Variants in PAPPA2 observed in about 807,000 individuals in gnomAD.
PAPPA2 encodes pappalysin-2.
Under a neutral mutation model 176.4 loss-of-function variants are expected in PAPPA2, and 86 were observed. The ratio of observed to expected loss-of-function variants is 0.49; its 90% confidence interval spans 0.41 to 0.58. PAPPA2 has a LOEUF of 0.58. PAPPA2 is among the 20% of genes least tolerant of loss of function. PAPPA2 has a pLI of 0.00. For synonymous variants in PAPPA2, 809 were observed against 852.2 expected (o/e 0.95, Z 0.88); for missense variants, 2,073 against 2,256.9 (o/e 0.92, Z 1.65).
chr1:176,798,472 T>G (rs1033689544), intron 20 of PAPPA2, among the ~76,000 whole-genome samples: 3 of 152,200 alleles, frequency 2.0e-5, no homozygotes, highest in Admixed American at 2.0e-4. Flanking sequence ...TGAGAAGGAA[T>G]AAAGTTCTCA....
In PAPPA2 at chr1:176,710,064, G is replaced by C; in HGVS notation, c.3539G>C (p.Gly1180Ala). 6.2e-7 allele frequency: 1 copy of C among 1,613,294 alleles called. No individual in the cohort carries two copies. Among genetic ancestry groups the C allele is most frequent in the Non-Finnish European group, 8.5e-7 (1 of 1,179,548 alleles). Residue 1180 changes from glycine (G) to alanine (A), a missense_variant, in exon 11 of 23, where the codon GGC (glycine) becomes GCC (alanine). Physicochemically the swap from Gly to Ala is moderately conservative, Grantham distance 60 (BLOSUM62 0). This residue lies in a region of PAPPA2 where 846 missense variants were observed against 857.9 expected (regional missense o/e 0.99). Coordinates refer to ENST00000367662, the MANE Select transcript of PAPPA2 (RefSeq NM_020318.3). ...AGAAAAACCAGCATTGTAGACTGTG[G>C]CATCTACACTCCCAAAGGATACTTG... ...FERKTSIVDCGIYTPKGYLDQ... is the reference protein window; with the variant it reads ...FERKTSIVDCAIYTPKGYLDQ...
intron 14 of PAPPA2, among the ~76,000 whole-genome samples, chr1:176,754,080 A>G (rs781253647): frequency 6.6e-6 from 1 of 150,734 alleles, no homozygotes; most frequent in Admixed American, 6.6e-5. Context: ...GGCCATGGAC[A>G]TGGTCTTTTG....
intron 1 of PAPPA2, among the ~76,000 whole-genome samples, chr1:176,472,995 C>A (rs2102467596): frequency 6.6e-6 from 1 of 152,268 alleles, no homozygotes; most frequent in African/African-American, 2.4e-5. Flanking sequence ...CAGAGCAAAA[C>A]ATTTGTTACA....
At chr1:176,693,119 C>T (rs1336123158) in intron 6 of PAPPA2, among the ~76,000 whole-genome samples, 1 of 152,182 alleles carries the variant, frequency 6.6e-6, no homozygotes, top group Non-Finnish European at 1.5e-5. Flanking sequence ...AATGTGGTTT[C>T]ACTGAGAAGG....
intron 2 of PAPPA2, among the ~76,000 whole-genome samples, chr1:176,582,428 T>TTCAGTACGATA (rs1653043189): frequency 1.3e-5 from 2 of 152,216 alleles, no homozygotes; most frequent in South Asian, 4.1e-4. Flanking sequence ...CTTTTCCCTG[T>TTCAGTACGATA]TCAGTACGAT....
chr1:176,612,750 T>G (rs1360987824), intron 3 of PAPPA2, among the ~76,000 whole-genome samples: 1 of 152,202 alleles, frequency 6.6e-6, no homozygotes, highest in East Asian at 1.9e-4. Flanking sequence ...AAAGAATCAG[T>G]TTTGATTCTG....
At chr1:176,673,635 T>C (rs10798471) in intron 4 of PAPPA2, among the ~76,000 whole-genome samples, 38,407 of 152,118 alleles carry the variant, frequency 0.25, 5,002 homozygotes, top group South Asian at 0.34. Flanking sequence ...TGGGGCATAC[T>C]ATTGAATGTT....
intron 17 of PAPPA2, among the ~76,000 whole-genome samples, chr1:176,780,428 A>G (rs924510240): frequency 1.3e-5 from 2 of 152,106 alleles, no homozygotes; most frequent in African/African-American, 2.4e-5. Context: ...ACTCTCCCCA[A>G]CAGTAGGTAG....
chr1:176,747,009 A>T (rs910833459), intron 14 of PAPPA2, among the ~76,000 whole-genome samples: 8 of 152,136 alleles, frequency 5.3e-5, no homozygotes, highest in Admixed American at 5.2e-4. Flanking sequence ...GGAAACTGAG[A>T]CTCAAGGGCA....
intron 4 of PAPPA2, among the ~76,000 whole-genome samples, chr1:176,685,799 T>C (rs2102797658): frequency 1.3e-5 from 2 of 152,370 alleles, no homozygotes; most frequent in Admixed American, 1.3e-4. Flanking sequence ...AAAGAAATGC[T>C]TGCATTCCTC....
At chr1:176,490,544 C>T (rs1386335881) in intron 1 of PAPPA2, among the ~76,000 whole-genome samples, 2 of 152,148 alleles carry the variant, frequency 1.3e-5, no homozygotes, top group East Asian at 1.9e-4. Context: ...GTCTGTTTGG[C>T]ATACTTTGGT....
intron 14 of PAPPA2, among the ~76,000 whole-genome samples, chr1:176,764,631 C>T (rs914161250): frequency 2.4e-4 from 35 of 148,372 alleles, no homozygotes; most frequent in Non-Finnish European, 4.0e-4. Flanking sequence ...GAGTCTCGCT[C>T]TGTCGCTCAG....
At chr1:176,838,880 A>G (rs1402359176) in intron 21 of PAPPA2, among the ~76,000 whole-genome samples, 1 of 152,224 alleles carries the variant, frequency 6.6e-6, no homozygotes, top group Non-Finnish European at 1.5e-5. Flanking sequence ...ATCTGGAATG[A>G]TGTTCAAATG....
chr1:176,780,001 C>T (rs780435675), intron 17 of PAPPA2, among the ~76,000 whole-genome samples: 2 of 152,230 alleles, frequency 1.3e-5, no homozygotes, highest in South Asian at 2.1e-4. Context: ...GCAGGATCCA[C>T]CTGTGTATAT....
intron 3 of PAPPA2, among the ~76,000 whole-genome samples, chr1:176,666,598 TGTGTGTGTGTGAGAGAGA>T (rs1221142587): frequency 7.2e-6 from 1 of 138,722 alleles, no homozygotes; most frequent in African/African-American, 2.8e-5. Context: ...TGTGTGTGTG[TGTGTGTGTGTGAGAGAGA>T]GAGAGAGAGA....
At chr1:176,672,435 G>C (rs1304010615) in intron 4 of PAPPA2, among the ~76,000 whole-genome samples, 2 of 152,140 alleles carry the variant, frequency 1.3e-5, no homozygotes, top group African/African-American at 4.8e-5. Flanking sequence ...ACATAATGCT[G>C]TATATGTCAA....
intron 17 of PAPPA2, among the ~76,000 whole-genome samples, chr1:176,782,711 G>A (rs138694647): frequency 6.6e-6 from 1 of 152,246 alleles, no homozygotes; most frequent in East Asian, 1.9e-4. Context: ...GGACCTCGTA[G>A]GCTAAAGAAA....
At chr1:176,688,876 G>T (rs944454986) in intron 4 of PAPPA2, among the ~76,000 whole-genome samples, 1 of 152,228 alleles carries the variant, frequency 6.6e-6, no homozygotes, top group African/African-American at 2.4e-5. Context: ...TCTAAGGGAT[G>T]TTGAATGGAG....
At chr1:176,529,160 G>C (rs187544479) in intron 1 of PAPPA2, among the ~76,000 whole-genome samples, 1 of 152,104 alleles carries the variant, frequency 6.6e-6, no homozygotes, top group African/African-American at 2.4e-5. Context: ...ATTTTCCCTA[G>C]AGTGTGACTC....
Sources: allele counts gnomAD v4.1 joint callset (sites outside exome capture counted in the v4.1 genomes callset), GRCh38; gene constraint gnomAD v4.1.1; regional missense constraint gnomAD v4.1.1; transcripts MANE v1.5; gene names NCBI Gene and HGNC (gene_info 2026-07-23, HGNC 2026-07-21).